The following MYO5B variants were observed in gnomAD, a reference collection of about 807,000 sequenced individuals.
MYO5B encodes myosin VB.
A neutral mutation model predicts 229.3 loss-of-function variants in MYO5B; 143 were observed. That is an observed-to-expected ratio of 0.62 (90% CI 0.54 to 0.72). MYO5B has a LOEUF of 0.72. Ranked by LOEUF, MYO5B falls within the 30% of genes least tolerant of loss-of-function variation. The pLI is 0.00. For synonymous variants in MYO5B, 918 were observed against 885.2 expected, an observed-to-expected ratio of 1.04 and a Z score of -0.66; for missense variants, 2,321 against 2,331.0, an observed-to-expected ratio of 1.00 and a Z score of 0.09.
chr18:50,190,957 T>C (rs989438506), intron 1 of MYO5B, among the ~76,000 whole-genome samples: 1 of 152,210 alleles, frequency 6.6e-6, no homozygotes, highest in African/African-American at 2.4e-5. Flanking sequence ...CTGGCTCCAG[T>C]GTTCATCACA....
chr18:49,842,822 G>A (rs575001643), intron 34 of MYO5B, among the ~76,000 whole-genome samples: 2 of 152,354 alleles, frequency 1.3e-5, no homozygotes, highest in East Asian at 3.9e-4. Flanking sequence ...CCCCAGGGAA[G>A]CAAGCACCCG....
chr18:50,083,147 G>C (rs1032540339), intron 1 of MYO5B, among the ~76,000 whole-genome samples: 1 of 152,194 alleles, frequency 6.6e-6, no homozygotes, highest in African/African-American at 2.4e-5. Flanking sequence ...TTCAGGAACA[G>C]CCAAATAGAA....
intron 14 of MYO5B, 69 bp downstream of exon 14, chr18:49,953,191 A>G: frequency 6.9e-7 from 1 of 1,456,086 alleles, no homozygotes; most frequent in Non-Finnish European, 9.6e-7. Context: ...AGGAGGTTGC[A>G]TCACCACTCC....
intron 1 of MYO5B, among the ~76,000 whole-genome samples, chr18:50,141,417 C>T (rs930605628): frequency 6.6e-6 from 1 of 152,246 alleles, no homozygotes; most frequent in Non-Finnish European, 1.5e-5. Context: ...TAGACCTGTT[C>T]TGCAGGAGTT....
rs117929135 is a variant in MYO5B at position 49,920,224 on chromosome 18, G to C, written c.2091-8051C>G. 5.9e-5 allele frequency among the ~76,000 whole-genome samples: 9 copies of C among 152,286 alleles called. No individual in the cohort carries two copies. In the East Asian group the frequency reaches 1.2e-3, roughly 20 times the overall value. ...AAAAACATTCTGAAATTAGACAGTG[G>C]TGATGGTTGTATAACTCTGTATATA... On this transcript the variant is annotated intron_variant, in intron 17 of 39. Coordinates refer to ENST00000285039, the MANE Select transcript of MYO5B (RefSeq NM_001080467.3).
chr18:49,843,324 G>A lies in MYO5B; in HGVS notation c.4528C>T (p.Arg1510Trp), dbSNP rs192784103. Residue 1510 changes from arginine (R) to tryptophan (W), a missense_variant, in exon 34 of 40, where the codon CGG (arginine) becomes TGG (tryptophan). By Grantham distance (101) the Arg-to-Trp change is moderately radical. Around this residue, in one of 2 missense-constraint regions of MYO5B, gnomAD observed 2,113 missense variants for 2,044.7 expected, o/e 1.03. Transcript: ENST00000285039. ...TCGTCGTTGGTGTAGTCCGCGTGCC[G>A]GATGCACATGTAGAGGATGTAGGCG... ...LPAYILYMCI[R>W]HADYTNDDLK... The A allele has an allele frequency of 2.8e-5, 45 of 1,614,138 alleles. No homozygotes were observed. The highest frequency in any genetic ancestry group is 4.0e-5 in the African/African-American group (3 of 75,032).
chr18:49,846,426 T>C (rs1041397707), intron 33 of MYO5B, among the ~76,000 whole-genome samples: 1 of 152,162 alleles, frequency 6.6e-6, no homozygotes, highest in Non-Finnish European at 1.5e-5. Context: ...CACAACTCCA[T>C]GCCAGCGGCA....
At chr18:49,950,267 G>A (rs746558328) in intron 14 of MYO5B, among the ~76,000 whole-genome samples, 6 of 152,192 alleles carry the variant, frequency 3.9e-5, no homozygotes, top group Admixed American at 2.0e-4. Flanking sequence ...CTCTTTAGAC[G>A]TTTTAGCTGG....
intron 1 of MYO5B, among the ~76,000 whole-genome samples, chr18:50,130,514 G>A (rs1256261913): frequency 6.6e-6 from 1 of 152,112 alleles, no homozygotes; most frequent in Non-Finnish European, 1.5e-5. Flanking sequence ...AGGTCTTCCT[G>A]GGCATTGGCA....
At chr18:49,944,748 G>A (rs2025352494) in intron 14 of MYO5B, among the ~76,000 whole-genome samples, 1 of 152,004 alleles carries the variant, frequency 6.6e-6, no homozygotes, top group African/African-American at 2.4e-5. Context: ...ATACAGCTAC[G>A]TTCAAGCTTC....
chr18:49,892,849 A>G (rs1660979279), intron 22 of MYO5B, among the ~76,000 whole-genome samples: 1 of 152,158 alleles, frequency 6.6e-6, no homozygotes, highest in African/African-American at 2.4e-5. Context: ...CTAAGTTGGA[A>G]TTTGCTTACA....
In MYO5B at chr18:49,927,515, T is replaced by C. The variant is rs181175363; in HGVS notation, c.2090+1997A>G. The stretch of plus-strand genomic sequence containing the variant: ...TTCAAACTGTACTGTAAGGCCACAG[T>C]CACCAAAACAGCATGATATTGGTAT... On this transcript the variant is annotated intron_variant, in intron 17 of 39. Transcript: ENST00000285039. 2.8e-3 allele frequency among the ~76,000 whole-genome samples: 422 copies of C among 152,270 alleles called. 1 individual carries two copies. Among genetic ancestry groups the C allele is most frequent in the Non-Finnish European group, 4.0e-3 (270 of 68,024 alleles).
intron 33 of MYO5B, among the ~76,000 whole-genome samples, 167 bp downstream of exon 33, chr18:49,846,979 G>A (rs978201259): frequency 6.6e-6 from 1 of 150,868 alleles, no homozygotes; most frequent in African/African-American, 2.4e-5. Context: ...GATGAGAGTA[G>A]GTGTGGGGAG....
chr18:49,945,411 A>G (rs1359661935), intron 14 of MYO5B, among the ~76,000 whole-genome samples: 1 of 151,610 alleles, frequency 6.6e-6, no homozygotes, highest in Non-Finnish European at 1.5e-5. Flanking sequence ...CTATATCTCA[A>G]TCAAGTACCA....
At chr18:49,947,181 C>T (rs1259549355) in intron 14 of MYO5B, among the ~76,000 whole-genome samples, 1 of 148,972 alleles carries the variant, frequency 6.7e-6, no homozygotes, top group Non-Finnish European at 1.5e-5. Context: ...TCTCAGCTCA[C>T]TGCAAACTCC....
intron 2 of MYO5B, among the ~76,000 whole-genome samples, chr18:50,049,341 A>G (rs2030330015): frequency 6.6e-6 from 1 of 152,262 alleles, no homozygotes; most frequent in South Asian, 2.1e-4. Flanking sequence ...AGAAAAGTCT[A>G]TAAATGAAAA....
intron 1 of MYO5B, among the ~76,000 whole-genome samples, chr18:50,120,871 T>A (rs1386181828): frequency 6.6e-6 from 1 of 152,188 alleles, no homozygotes; most frequent in Admixed American, 6.5e-5. Context: ...TGGTGAAAGC[T>A]GACCTGCACG....
rs765900394 is a variant in MYO5B at position 49,837,816 on chromosome 18, A to G, written c.4853-14T>C. The G allele has an allele frequency of 1.9e-6, 3 of 1,613,626 alleles. No homozygotes were observed. The African/African-American group carries it at 4.0e-5, about 22-fold the overall frequency. On this transcript the variant is annotated splice_polypyrimidine_tract_variant and intron_variant, in intron 36 of 39. Transcript: ENST00000285039. ...ACATGGCAGAAACTGAAATAAAAGC[A>G]CAGTTAGAGAAGCTTGCATTCCCCA...
At position 49,906,632 on chromosome 18, in the gene MYO5B, T is replaced by C; in HGVS notation, c.2203-2A>G. On this transcript the variant is annotated splice_acceptor_variant, in intron 18 of 39. Coordinates refer to ENST00000285039, the MANE Select transcript of MYO5B (RefSeq NM_001080467.3). LOFTEE classifies it high-confidence loss of function. ...GCCAAACTGGAACTTGTCGGGGTCC[T>C]TTACAAGGTAGGGAGGGGATCTGGT... 2 of 1,612,966 alleles carry C rather than the reference T, an allele frequency of 1.2e-6. No homozygotes were observed. The highest frequency in any genetic ancestry group is 8.5e-7 in the Non-Finnish European group (1 of 1,179,198).
Sources: allele counts gnomAD v4.1 joint callset (sites outside exome capture counted in the v4.1 genomes callset), GRCh38; gene constraint gnomAD v4.1.1; regional missense constraint gnomAD v4.1.1; transcripts MANE v1.5; gene names NCBI Gene and HGNC (gene_info 2026-07-23, HGNC 2026-07-21).